The following SAMD5 variants were observed in gnomAD, a reference collection of about 807,000 sequenced individuals.
The protein encoded by SAMD5 is sterile alpha motif domain containing 5, also known as sterile alpha motif domain-containing protein 5.
Under a neutral mutation model 11.3 loss-of-function variants are expected in SAMD5, and 13 were observed. The ratio of observed to expected loss-of-function variants is 1.15; its 90% CI spans 0.75 to 1.83. The LOEUF is 1.83. SAMD5 is among the 40% of genes most tolerant of loss of function. The pLI, the probability that SAMD5 is intolerant of heterozygous loss-of-function variation, is 0.00. For synonymous variants in SAMD5, 129 were observed against 111.3 expected (o/e 1.16, Z -1.00); for missense variants, 255 against 239.1 (o/e 1.07, Z -0.44).
intron 1 of SAMD5, among the ~76,000 whole-genome samples, chr6:147,622,309 G>A (rs74822345): frequency 7.2e-4 from 109 of 152,292 alleles, no homozygotes; most frequent in African/African-American, 2.5e-3. Flanking sequence ...CAGTGCAGAT[G>A]CTATGTAAAG....
chr6:147,798,085 T>C, the SAMD5 span, among the ~76,000 whole-genome samples: 1 of 148,006 alleles, frequency 6.8e-6, no homozygotes, highest in African/African-American at 2.6e-5. Flanking sequence ...TGCTCTGATT[T>C]TAGTTATTTC....
intron 1 of SAMD5, among the ~76,000 whole-genome samples, chr6:147,658,681 G>A (rs1790604309): frequency 6.6e-6 from 1 of 151,588 alleles, no homozygotes; most frequent in Non-Finnish European, 1.5e-5. Context: ...CCACTTTCAA[G>A]TCAGAACGTG....
chr6:147,532,360 T>C (rs1356269780), intron 1 of SAMD5, among the ~76,000 whole-genome samples: 1 of 151,336 alleles, frequency 6.6e-6, no homozygotes, highest in African/African-American at 2.4e-5. Flanking sequence ...TCCTCATAGC[T>C]TAGCCCCCAC....
chr6:147,814,049 G>A, the SAMD5 span, among the ~76,000 whole-genome samples: 5 of 152,060 alleles, frequency 3.3e-5, no homozygotes, highest in Admixed American at 2.6e-4. Context: ...ATTTTTCAGG[G>A]TCTATGCAAC....
chr6:147,817,101 C>T, the SAMD5 span, among the ~76,000 whole-genome samples: 1 of 152,208 alleles, frequency 6.6e-6, no homozygotes, highest in Non-Finnish European at 1.5e-5. Flanking sequence ...TGCTCTATTC[C>T]TGCCAGGCTT....
intron 1 of SAMD5, among the ~76,000 whole-genome samples, chr6:147,673,054 A>T (rs1583133986): frequency 6.6e-6 from 1 of 152,220 alleles, no homozygotes; most frequent in South Asian, 2.1e-4. Flanking sequence ...GTTGGCTAGA[A>T]CTTCTAGAAT....
the SAMD5 span, among the ~76,000 whole-genome samples, chr6:147,765,760 ATCT>A: frequency 6.6e-6 from 1 of 152,204 alleles, no homozygotes; most frequent in African/African-American, 2.4e-5. Flanking sequence ...TGTACATCAG[ATCT>A]TCTCCCCAAC....
chr6:147,666,003 A>G (rs1384827450), intron 1 of SAMD5, among the ~76,000 whole-genome samples: 1 of 152,162 alleles, frequency 6.6e-6, no homozygotes, highest in Non-Finnish European at 1.5e-5. Flanking sequence ...CAGTGGCGCA[A>G]TCTCGGCTCA....
chr6:147,657,816 G>T (rs1400440914), intron 1 of SAMD5, among the ~76,000 whole-genome samples: 4 of 152,056 alleles, frequency 2.6e-5, no homozygotes, highest in African/African-American at 7.2e-5. Context: ...CCACTCTTAT[G>T]CCCTAATCAC....
intron 1 of SAMD5, among the ~76,000 whole-genome samples, chr6:147,586,740 C>T (rs866997103): frequency 2.0e-5 from 3 of 151,466 alleles, no homozygotes; most frequent in African/African-American, 4.8e-5. Context: ...TATGGAAAAG[C>T]GCCTACGGTA....
At chr6:147,873,465 G>A in the SAMD5 span, among the ~76,000 whole-genome samples, 1 of 151,822 alleles carries the variant, frequency 6.6e-6, no homozygotes, top group Non-Finnish European at 1.5e-5. Context: ...AATAGTCTAG[G>A]GTTTAAAAAA....
chr6:147,678,445 G>C (rs1790895414), intron 1 of SAMD5, among the ~76,000 whole-genome samples: 1 of 152,122 alleles, frequency 6.6e-6, no homozygotes, highest in African/African-American at 2.4e-5. Context: ...CATTTTTTCA[G>C]CTTGGCAGAT....
intron 1 of SAMD5, among the ~76,000 whole-genome samples, chr6:147,646,026 GTATCTATCTATCTATCTATC>G (rs200304460): frequency 2.5e-4 from 13 of 52,378 alleles, no homozygotes; most frequent in Non-Finnish European, 3.4e-4. Context: ...ATCTATCTAT[GTATCTATCTATCTATCTATC>G]TATCTATCTA....
At chr6:147,816,195 G>A in the SAMD5 span, among the ~76,000 whole-genome samples, 4 of 145,904 alleles carry the variant, frequency 2.7e-5, no homozygotes, top group South Asian at 2.2e-4. Context: ...CAGGATAATC[G>A]CTTGAACCCA....
intron 1 of SAMD5, among the ~76,000 whole-genome samples, chr6:147,675,101 ATTGCCCCACAGC>A: frequency 6.6e-6 from 1 of 152,284 alleles, no homozygotes; most frequent in East Asian, 1.9e-4. Flanking sequence ...AACCTCATGT[ATTGCCCCACAGC>A]TTTGACAAAA....
the SAMD5 span, among the ~76,000 whole-genome samples, chr6:147,841,982 A>G: frequency 6.6e-6 from 1 of 152,220 alleles, no homozygotes; most frequent in African/African-American, 2.4e-5. Context: ...GATTTATTTC[A>G]GTAATTACTC....
At chr6:147,907,129 T>A in the SAMD5 span, among the ~76,000 whole-genome samples, 1 of 152,188 alleles carries the variant, frequency 6.6e-6, no homozygotes, top group Non-Finnish European at 1.5e-5. Context: ...TCCCCAAATC[T>A]CTTTCAGTCT....
At chr6:147,809,691 AT>A in the SAMD5 span, among the ~76,000 whole-genome samples, 1 of 152,124 alleles carries the variant, frequency 6.6e-6, no homozygotes, top group Non-Finnish European at 1.5e-5. Context: ...TCAGTTTTGG[AT>A]TCAGATTATC....
At chr6:147,719,370 T>C (rs1328259793) in intron 1 of SAMD5, among the ~76,000 whole-genome samples, 1 of 152,074 alleles carries the variant, frequency 6.6e-6, no homozygotes, top group Non-Finnish European at 1.5e-5. Context: ...GCCTAGAAAA[T>C]TGAGAAAGGG....
Sources: allele counts gnomAD v4.1 joint callset (sites outside exome capture counted in the v4.1 genomes callset), GRCh38; gene constraint gnomAD v4.1.1; transcripts MANE v1.5; gene names NCBI Gene and HGNC (gene_info 2026-07-23, HGNC 2026-07-21).